The following LPP variants were observed in gnomAD, a reference collection of about 807,000 sequenced individuals.
LPP encodes LIM domain containing preferred translocation partner in lipoma, also known as lipoma-preferred partner.
In LPP, 38 loss-of-function variants were observed where a neutral mutation model predicts 60.4. That is an observed-to-expected ratio of 0.63 (90% CI 0.49 to 0.83). LPP has a LOEUF of 0.83. LPP is among the 40% of genes least tolerant of loss of function. The pLI, the probability that LPP is intolerant of heterozygous loss-of-function variation, is 0.00. For missense variants in LPP, 902 were observed against 783.6 expected (o/e 1.15, Z -1.80); for synonymous variants, 328 against 290.8 (o/e 1.13, Z -1.30).
intron 9 of LPP, among the ~76,000 whole-genome samples, chr3:188,765,580 T>C (rs1268749119): frequency 1.3e-5 from 2 of 152,132 alleles, no homozygotes; most frequent in Non-Finnish European, 2.9e-5. Flanking sequence ...AGATTATTAG[T>C]CTCATTTTAC....
intron 4 of LPP, among the ~76,000 whole-genome samples, chr3:188,473,451 G>A (rs985894226): frequency 6.6e-6 from 1 of 152,048 alleles, no homozygotes; most frequent in African/African-American, 2.4e-5. Context: ...TTTCCAGAAG[G>A]TCAATGATTC....
At chr3:188,243,848 CT>C (rs920456783) in intron 2 of LPP, among the ~76,000 whole-genome samples, 25 of 151,126 alleles carry the variant, frequency 1.7e-4, no homozygotes, top group African/African-American at 5.8e-4. Context: ...AGGTCCACAT[CT>C]TTTTTTTTAA....
intron 5 of LPP, among the ~76,000 whole-genome samples, chr3:188,500,461 T>C (rs1811501880): frequency 6.6e-6 from 1 of 152,172 alleles, no homozygotes; most frequent in African/African-American, 2.4e-5. Flanking sequence ...ACTTGTAATA[T>C]GCTATTAAAT....
intron 8 of LPP, among the ~76,000 whole-genome samples, chr3:188,756,396 T>G (rs1056937666): frequency 1.3e-5 from 2 of 152,208 alleles, no homozygotes; most frequent in Non-Finnish European, 2.9e-5. Flanking sequence ...GGGTCTGAGC[T>G]AATCAGCTGT....
chr3:188,759,885 C>G (rs959125285), intron 8 of LPP, among the ~76,000 whole-genome samples: 5 of 152,136 alleles, frequency 3.3e-5, no homozygotes, highest in African/African-American at 9.7e-5. Context: ...GAGACTCAAT[C>G]CCCTCAACCG....
At chr3:188,668,937 A>G (rs1197590714) in intron 7 of LPP, among the ~76,000 whole-genome samples, 1 of 152,160 alleles carries the variant, frequency 6.6e-6, no homozygotes, top group Non-Finnish European at 1.5e-5. Context: ...TTACTTGAAA[A>G]TGGGCATTTT....
intron 9 of LPP, among the ~76,000 whole-genome samples, chr3:188,837,295 C>T (rs1323211665): frequency 1.3e-5 from 2 of 151,690 alleles, no homozygotes; most frequent in Non-Finnish European, 2.9e-5. Flanking sequence ...AGGAGAATTG[C>T]TTGAACCTGG....
intron 3 of LPP, among the ~76,000 whole-genome samples, chr3:188,372,250 G>A (rs1374827278): frequency 1.3e-5 from 2 of 152,032 alleles, no homozygotes; most frequent in African/African-American, 2.4e-5. Flanking sequence ...GGTTTTCGTA[G>A]TATCATGACC....
chr3:188,369,875 T>C (rs1396031763), intron 3 of LPP, among the ~76,000 whole-genome samples: 6 of 152,168 alleles, frequency 3.9e-5, no homozygotes, highest in Non-Finnish European at 8.8e-5. Context: ...TGTTCTGTCA[T>C]TTGTGATTTT....
intron 9 of LPP, among the ~76,000 whole-genome samples, chr3:188,801,119 T>C (rs1443833286): frequency 6.6e-6 from 1 of 152,144 alleles, no homozygotes; most frequent in Admixed American, 6.6e-5. Flanking sequence ...GGCTTTGTGC[T>C]TGAGATTAAA....
intron 6 of LPP, among the ~76,000 whole-genome samples, chr3:188,558,568 C>G (rs142726306): frequency 0.014 from 2,105 of 152,094 alleles, 32 homozygotes; most frequent in African/African-American, 0.036. Context: ...TCTGGGATTC[C>G]CACTGTGTCT....
intron 7 of LPP, among the ~76,000 whole-genome samples, chr3:188,650,205 A>G (rs1236119234): frequency 6.6e-6 from 1 of 152,206 alleles, no homozygotes; most frequent in Non-Finnish European, 1.5e-5. Context: ...AATTATGGAG[A>G]CAAAAACAGC....
intron 2 of LPP, among the ~76,000 whole-genome samples, chr3:188,287,611 G>T (rs1173706873): frequency 1.3e-5 from 2 of 152,156 alleles, no homozygotes; most frequent in East Asian, 3.9e-4. Flanking sequence ...GCGGAGGTGG[G>T]GTGAGGAGAG....
At chr3:188,744,065 A>G (rs1390431257) in intron 8 of LPP, among the ~76,000 whole-genome samples, 2 of 152,190 alleles carry the variant, frequency 1.3e-5, no homozygotes, top group Non-Finnish European at 2.9e-5. Flanking sequence ...TTCTACTTAC[A>G]GCTGCTAAAG....
chr3:188,761,142 T>C (rs906300547), intron 9 of LPP, among the ~76,000 whole-genome samples: 1 of 152,228 alleles, frequency 6.6e-6, no homozygotes, highest in African/African-American at 2.4e-5. Flanking sequence ...TTGTTTGTTA[T>C]GTAAACCCAC....
intron 2 of LPP, among the ~76,000 whole-genome samples, chr3:188,330,810 T>C (rs1759808146): frequency 6.6e-6 from 1 of 151,664 alleles, no homozygotes; most frequent in Non-Finnish European, 1.5e-5. Context: ...AGGGAGATAC[T>C]GCCTCAGAAT....
chr3:188,241,372 G>GAGAC (rs1483010673), intron 2 of LPP, among the ~76,000 whole-genome samples: 1 of 152,202 alleles, frequency 6.6e-6, no homozygotes, highest in Non-Finnish European at 1.5e-5. Flanking sequence ...GTGTTTGTGT[G>GAGAC]AGACATGCTG....
intron 5 of LPP, among the ~76,000 whole-genome samples, chr3:188,490,372 G>A (rs911495245): frequency 5.9e-5 from 9 of 152,114 alleles, no homozygotes; most frequent in African/African-American, 2.2e-4. Flanking sequence ...GCTCATATAT[G>A]TGTATGATGA....
At chr3:188,508,651 T>C (rs1157253686) in intron 5 of LPP, among the ~76,000 whole-genome samples, 2 of 152,208 alleles carry the variant, frequency 1.3e-5, no homozygotes, top group African/African-American at 4.8e-5. Context: ...GTGGTAAACG[T>C]CTTTGCCATT....
Sources: gnomAD v4.1 joint callset for allele counts (sites outside exome capture counted in the v4.1 genomes callset) on GRCh38, gnomAD v4.1.1 for gene constraint, MANE v1.5 for transcripts, NCBI Gene and HGNC (gene_info 2026-07-23, HGNC 2026-07-21) for gene names.